CAST: variants seen among roughly 807,000 people sequenced by gnomAD.
CAST encodes the protein calpastatin, also known as MIR583 host.
A neutral mutation model predicts 119.6 loss-of-function variants in CAST; 76 were observed. The ratio of observed to expected loss-of-function variants is 0.64; its 90% CI spans 0.53 to 0.77. The LOEUF is 0.77. Ranked by LOEUF, CAST falls within the 30% of genes least tolerant of loss-of-function variation. The pLI is 0.00. For synonymous variants in CAST, 319 were observed against 331.6 expected (o/e 0.96, Z 0.41); for missense variants, 953 against 946.5 (o/e 1.01, Z -0.09).
chr5:96,297,839 A>G, the CAST span, among the ~76,000 whole-genome samples: 3 of 152,124 alleles, frequency 2.0e-5, no homozygotes, highest in East Asian at 1.9e-4. Context: ...TGTCTTTCCT[A>G]TAAGACCCGG....
the CAST span, among the ~76,000 whole-genome samples, chr5:96,418,581 A>G: frequency 3.0e-3 from 451 of 152,318 alleles, 2 homozygotes; most frequent in African/African-American, 0.01. Context: ...TTACGTGGTA[A>G]TAAAGAACAA....
chr5:96,581,349 AT>A (rs977421373), intron 1 of CAST, among the ~76,000 whole-genome samples: 2 of 152,140 alleles, frequency 1.3e-5, no homozygotes, highest in African/African-American at 4.8e-5. Context: ...ACAATGGGAT[AT>A]TTTTTTCAGC....
chr5:96,729,287 A>T, intron 7 of CAST, 78 bp downstream of exon 7: 1 of 823,458 alleles, frequency 1.2e-6, no homozygotes, highest in Non-Finnish European at 2.0e-6. Flanking sequence ...CATTAATTCA[A>T]AACTAATCCC....
intron 1 of CAST, among the ~76,000 whole-genome samples, chr5:96,602,682 G>A (rs1202541632): frequency 2.0e-5 from 3 of 152,136 alleles, no homozygotes; most frequent in Admixed American, 6.6e-5. Flanking sequence ...CCTGGGAGGC[G>A]GAGGTTGTAG....
At chr5:96,448,805 A>T in the CAST span, among the ~76,000 whole-genome samples, 1 of 152,172 alleles carries the variant, frequency 6.6e-6, no homozygotes, top group Admixed American at 6.5e-5. Flanking sequence ...CTTCAAAGGC[A>T]TTTCTATTTG....
chr5:96,757,428 T>C lies in CAST; in HGVS notation c.1711-16T>C. 1 of 1,612,628 alleles carries C rather than the reference T, an allele frequency of 6.2e-7. No homozygotes were observed. Among genetic ancestry groups the C allele is most frequent in the Non-Finnish European group, 8.5e-7 (1 of 1,178,642 alleles). ...TGTAAAATGATTTCATGCCATGTGTTTTCCCCCCCGGATAGGATAAAGATG... is the reference window on the plus strand; with the variant it reads ...TGTAAAATGATTTCATGCCATGTGTCTTCCCCCCCGGATAGGATAAAGATG... On this transcript the variant is annotated splice_polypyrimidine_tract_variant and intron_variant, in intron 22 of 31. Coordinates refer to ENST00000675179, the MANE Select transcript of CAST (RefSeq NM_001750.7).
upstream of CAST, among the ~76,000 whole-genome samples, chr5:96,529,372 G>GT (rs11397914): frequency 0.53 from 78,212 of 146,278 alleles, 20,742 homozygotes; most frequent in South Asian, 0.57. Context: ...TAATCATTGG[G>GT]TTTTTTTTTT....
chr5:96,208,851 G>T, the CAST span, among the ~76,000 whole-genome samples: 1 of 151,960 alleles, frequency 6.6e-6, no homozygotes, highest in Admixed American at 6.6e-5. Context: ...TTGGTTACAT[G>T]TTGAGTTCAG....
chr5:96,754,700 G>A lies in CAST; in HGVS notation c.1669G>A (p.Glu557Lys). The A allele has an allele frequency of 4.3e-6, 7 of 1,610,536 alleles. No homozygotes were observed. Among genetic ancestry groups the A allele is most frequent in the Non-Finnish European group, 5.9e-6 (7 of 1,177,124 alleles). The change falls in exon 22 of 32, where the codon GAA (glutamate) becomes AAA (lysine). Residue 557 changes from glutamate to lysine, a missense_variant. Transcript: ENST00000675179. ...AGACCGTGAAAAGCTTGGTGAAAAAGAAGAAACAATTCCTCCTGATTATAG... is the reference window on the plus strand; with the variant it reads ...AGACCGTGAAAAGCTTGGTGAAAAAAAAGAAACAATTCCTCCTGATTATAG... ...EEDREKLGEKEETIPPDYRLE... is the reference protein window; with the variant it reads ...EEDREKLGEKKETIPPDYRLE...
chr5:96,768,914 C>G (rs1306774685), intron 29 of CAST: 1 of 153,414 alleles, frequency 6.5e-6, no homozygotes, highest in African/African-American at 2.4e-5. Context: ...TATCACACCA[C>G]TGAGCTACGC....
At chr5:96,066,993 T>C in the CAST span, among the ~76,000 whole-genome samples, 3 of 152,170 alleles carry the variant, frequency 2.0e-5, no homozygotes. Flanking sequence ...GATTCATATT[T>C]ATGCCTTATT....
the CAST span, among the ~76,000 whole-genome samples, chr5:96,013,199 T>C: frequency 2.0e-5 from 3 of 151,692 alleles, no homozygotes; most frequent in Non-Finnish European, 2.9e-5. Context: ...GTATGCTTTT[T>C]TTTTTTTGCT....
the CAST span, among the ~76,000 whole-genome samples, chr5:95,987,087 C>A: frequency 6.6e-6 from 1 of 152,198 alleles, no homozygotes; most frequent in Admixed American, 6.5e-5. Flanking sequence ...GACTTTAAAT[C>A]CCTGAGCTGA....
At chr5:96,128,817 G>T in the CAST span, among the ~76,000 whole-genome samples, 1 of 152,012 alleles carries the variant, frequency 6.6e-6, no homozygotes, top group Non-Finnish European at 1.5e-5. Flanking sequence ...CCCAAAAATG[G>T]GTGGGATGGA....
upstream of CAST, among the ~76,000 whole-genome samples, chr5:96,525,683 A>G (rs538605184): frequency 4.5e-4 from 68 of 152,214 alleles, no homozygotes; most frequent in Non-Finnish European, 5.9e-4. Context: ...TCAAGTATAA[A>G]TGATTATCCT....
the CAST span, chr5:96,398,842 T>A: frequency 6.5e-7 from 1 of 1,547,192 alleles, no homozygotes; most frequent in Non-Finnish European, 8.9e-7. Flanking sequence ...CAACTTACAC[T>A]TAAAAATATA....
In CAST at chr5:96,534,887, AGAAAGAAG is replaced by A. The variant is rs1380734350; in HGVS notation, c.60+5019_60+5026del. Among the ~76,000 whole-genome samples the A allele has an allele frequency of 3.3e-5, 5 of 150,982 alleles. 1 individual carries two copies. In the East Asian group the frequency reaches 9.8e-4, roughly 29 times the overall value. Reference sequence around the variant, plus strand: ...AAGGAAGGAGAAAGAAAGAAAAGAAAGAAAGAAGGAAAGAAGGAAGGAAAGAAAGAAAA... The same window carrying A: ...AAGGAAGGAGAAAGAAAGAAAAGAAAGAAAGAAGGAAGGAAAGAAAGAAAA... On this transcript the variant is annotated intron_variant, in intron 1 of 11. Transcript: ENST00000505143.
chr5:96,201,581 T>C, the CAST span, among the ~76,000 whole-genome samples: 1 of 152,062 alleles, frequency 6.6e-6, no homozygotes, highest in East Asian at 1.9e-4. Context: ...CCCCAATGTG[T>C]CCACTCATCC....
intron 22 of CAST, 115 bp from the exon 23 acceptor site, chr5:96,757,329 T>C: frequency 1.1e-6 from 1 of 950,882 alleles, no homozygotes; most frequent in South Asian, 1.4e-5. Flanking sequence ...ATGGATCTAA[T>C]TTAAAATGTA....
Sources: allele counts gnomAD v4.1 joint callset (sites outside exome capture counted in the v4.1 genomes callset), GRCh38; gene constraint gnomAD v4.1.1; transcripts MANE v1.5; gene names NCBI Gene and HGNC (gene_info 2026-07-23, HGNC 2026-07-21).